Variants in KCNMA1 observed in about 807,000 individuals in gnomAD.
KCNMA1 encodes potassium calcium-activated channel subfamily M alpha 1, also known as Calcium-activated potassium channel subunit alpha-1.
Under a neutral mutation model 140.0 loss-of-function variants are expected in KCNMA1, and 29 were observed. The observed-to-expected ratio is 0.21, with a 90% confidence interval of 0.15 to 0.28. The LOEUF (loss-of-function observed/expected upper bound fraction) is 0.28. KCNMA1 is among the 10% of genes least tolerant of loss of function. The probability of loss-of-function intolerance (pLI) is 1.00; values close to 1 mark genes in which losing one functional copy is unlikely to be tolerated. For missense variants in KCNMA1, 880 were observed against 1,602.2 expected (o/e 0.55, Z 7.70); for synonymous variants, 612 against 611.9 (o/e 1.00, Z 0.00).
Position 77,254,832 on chromosome 10 carries a change from A to G in KCNMA1, c.541-3576T>C, listed in dbSNP as rs138126759. 2.5e-3 allele frequency among the ~76,000 whole-genome samples: 378 copies of G among 152,336 alleles called. 3 individuals are homozygous for G. The highest frequency in any genetic ancestry group is 8.7e-3 in the African/African-American group (360 of 41,592). On this transcript the variant is annotated intron_variant, in intron 2 of 27. Coordinates refer to ENST00000286628, the MANE Select transcript of KCNMA1 (RefSeq NM_001161352.2). ...CAAGGAGGACAGAAGCCCAAGGGAC[A>G]TGGTAAAATGAGGCCAAGGAAAGCA...
At chr10:77,012,097 T>G (rs1221613936) in intron 17 of KCNMA1, 54 bp from the exon 18 acceptor site, 1 of 1,611,720 alleles carries the variant, frequency 6.2e-7, no homozygotes, top group South Asian at 1.1e-5. Flanking sequence ...CCAAATGAAA[T>G]GAGTACCACA....
At chr10:77,168,342 G>A (rs890811823) in intron 5 of KCNMA1, among the ~76,000 whole-genome samples, 5 of 152,172 alleles carry the variant, frequency 3.3e-5, no homozygotes, top group African/African-American at 2.4e-5. Context: ...ATATAGTCAT[G>A]CATTGCTTAA....
In KCNMA1 at chr10:77,328,495, C is replaced by T. The variant is rs551131871; in HGVS notation, c.540+75367G>A. Among the ~76,000 whole-genome samples, 207 of 152,198 alleles carry T rather than the reference C, an allele frequency of 1.4e-3. 1 individual carries two copies. The highest frequency in any genetic ancestry group is 0.01 in the Middle Eastern group (3 of 294). ...TGCTAGTGTGACATCCTATAAAAGT[C>T]AGAAAAAAGGCCTCAAAGAAGATAA... is the stretch of plus-strand genomic sequence containing the variant. On this transcript the variant is annotated intron_variant, in intron 2 of 27. Transcript: ENST00000286628.
intron 1 of KCNMA1, among the ~76,000 whole-genome samples, chr10:77,592,533 A>T (rs922651003): frequency 2.0e-5 from 3 of 152,238 alleles, no homozygotes; most frequent in Non-Finnish European, 2.9e-5. Flanking sequence ...AATTTTCTGT[A>T]TAATATTTTG....
At chr10:76,984,417 T>A (rs2080581694) in intron 19 of KCNMA1, among the ~76,000 whole-genome samples, 1 of 152,096 alleles carries the variant, frequency 6.6e-6, no homozygotes, top group African/African-American at 2.4e-5. Flanking sequence ...CTCAAACTCC[T>A]AACCTCAAGT....
downstream of KCNMA1, chr10:76,874,979 T>A (rs899971891): frequency 2.0e-5 from 3 of 152,184 alleles, no homozygotes; most frequent in Non-Finnish European, 4.4e-5. Flanking sequence ...CAGAGCCTCA[T>A]AATGTGGACT....
chr10:77,025,996 A>T (rs1214866611), intron 16 of KCNMA1, among the ~76,000 whole-genome samples: 10 of 135,860 alleles, frequency 7.4e-5, no homozygotes, highest in East Asian at 7.2e-4. Flanking sequence ...GAAGAAAAAA[A>T]AAATATATAT....
intron 12 of KCNMA1, 110 bp from the exon 13 acceptor site, chr10:77,079,660 G>A: frequency 1.3e-6 from 1 of 773,428 alleles, no homozygotes; most frequent in Non-Finnish European, 2.3e-6. Flanking sequence ...TGAGGTAGGA[G>A]GCAGGACTTG....
At chr10:77,511,163 G>A (rs566314220) in intron 1 of KCNMA1, among the ~76,000 whole-genome samples, 1 of 152,348 alleles carries the variant, frequency 6.6e-6, no homozygotes. Flanking sequence ...CCCAGCCTCA[G>A]TTTCTGATTC....
At chr10:77,010,234 AC>A (rs751150544) in intron 18 of KCNMA1, among the ~76,000 whole-genome samples, 18 of 151,952 alleles carry the variant, frequency 1.2e-4, no homozygotes, top group Non-Finnish European at 2.5e-4. Flanking sequence ...ATTTCCCTCA[AC>A]CCTCAGACTG....
In KCNMA1 at chr10:77,561,561, C is replaced by A. The variant is rs949111331; in HGVS notation, c.378+75704G>T. Among the ~76,000 whole-genome samples, 3 of 152,286 alleles carry A rather than the reference C, an allele frequency of 2.0e-5. No individual in the cohort carries two copies. In the South Asian group the frequency reaches 6.2e-4, roughly 32 times the overall value. On this transcript the variant is annotated intron_variant, in intron 1 of 27. Transcript: ENST00000286628. ...GGTTATGATTCCTTCCACTTTCTGG[C>A]GCAGAAGCAGAGACTCGGGAAAGTT...
chr10:77,618,126 A>C (rs939352031), intron 1 of KCNMA1, among the ~76,000 whole-genome samples: 12 of 152,160 alleles, frequency 7.9e-5, no homozygotes, highest in African/African-American at 9.7e-5. Flanking sequence ...GGTCCAGCAG[A>C]GACCTTCAGG....
chr10:77,588,573 C>A (rs1044511354), intron 1 of KCNMA1, among the ~76,000 whole-genome samples: 5 of 152,206 alleles, frequency 3.3e-5, no homozygotes, highest in African/African-American at 7.2e-5. Context: ...AGACAGAGGT[C>A]CCGTGCTAGG....
At chr10:76,889,602 C>A in intron 26 of KCNMA1, 33 bp from the exon 27 acceptor site, 2 of 1,499,956 alleles carry the variant, frequency 1.3e-6, no homozygotes, top group Non-Finnish European at 1.9e-6. Context: ...AGAGAAACAT[C>A]CTTTTTATTT....
chr10:77,087,954 A>G (rs2096730697), intron 10 of KCNMA1, among the ~76,000 whole-genome samples: 1 of 151,548 alleles, frequency 6.6e-6, no homozygotes, highest in Admixed American at 6.6e-5. Context: ...AATAAGTAAA[A>G]TAAATAATAT....
intron 25 of KCNMA1, among the ~76,000 whole-genome samples, chr10:76,899,956 C>T (rs1323187537): frequency 6.6e-6 from 1 of 151,988 alleles, no homozygotes; most frequent in Non-Finnish European, 1.5e-5. Context: ...ACCTGCAAAA[C>T]TATTGGCTAG....
chr10:76,949,066 A>G, intron 22 of KCNMA1, 76 bp downstream of exon 22: 1 of 1,155,878 alleles, frequency 8.7e-7, no homozygotes, highest in Non-Finnish European at 1.3e-6. Context: ...CAAAGCTACA[A>G]CTATTATATC....
At chr10:77,547,026 C>A (rs758605431) in intron 1 of KCNMA1, among the ~76,000 whole-genome samples, 29 of 152,154 alleles carry the variant, frequency 1.9e-4, no homozygotes, top group Non-Finnish European at 3.8e-4. Context: ...ATCTTTCTAC[C>A]ACACCAAATG....
At chr10:77,015,795 G>T (rs2091914022) in intron 17 of KCNMA1, among the ~76,000 whole-genome samples, 2 of 151,688 alleles carry the variant, frequency 1.3e-5, no homozygotes, top group African/African-American at 4.8e-5. Context: ...CAATTCATTG[G>T]GGGGTTCTGC....
Sources: allele counts gnomAD v4.1 joint callset (sites outside exome capture counted in the v4.1 genomes callset), GRCh38; gene constraint gnomAD v4.1.1; transcripts MANE v1.5; gene names NCBI Gene and HGNC (gene_info 2026-07-23, HGNC 2026-07-21).